Variants in COPS3 observed in about 807,000 individuals in gnomAD.
The protein encoded by COPS3 is COP9 signalosome subunit 3.
COPS3 carries 10 observed loss-of-function variants against 58.2 expected under a neutral mutation model. The observed-to-expected ratio is 0.17, with a 90% CI of 0.11 to 0.29. The LOEUF is 0.29. COPS3 is among the 10% of genes least tolerant of loss of function. COPS3 has a pLI of 1.00. For missense variants in COPS3, 333 were observed against 510.1 expected (o/e 0.65, Z 3.34); for synonymous variants, 187 against 181.7 (o/e 1.03, Z -0.24).
intron 5 of COPS3, among the ~76,000 whole-genome samples, chr17:17,265,492 G>C (rs9747076): frequency 0.032 from 4,792 of 150,998 alleles, 110 homozygotes; most frequent in African/African-American, 0.064. Context: ...TCCACCTCCC[G>C]GGTTCAAGTG....
intron 1 of COPS3, chr17:17,280,439 A>T: frequency 1.6e-6 from 1 of 606,424 alleles, no homozygotes; most frequent in Non-Finnish European, 2.3e-6. Flanking sequence ...GGGCGCCTGT[A>T]ATCTCAGCTA....
At chr17:17,249,082 C>G (rs373209658) in intron 9 of COPS3, 43 bp from the exon 10 acceptor site, 4 of 1,088,600 alleles carry the variant, frequency 3.7e-6, no homozygotes, top group Non-Finnish European at 5.5e-6. Context: ...CAGTTTAGAC[C>G]TGAATGCTAT....
chr17:17,278,049 C>A (rs1479856370), intron 1 of COPS3, among the ~76,000 whole-genome samples: 2 of 152,032 alleles, frequency 1.3e-5, no homozygotes, highest in Non-Finnish European at 1.5e-5. Context: ...TGGGAGAATC[C>A]TTTAACCTGG....
chr17:17,275,094 A>ATTT (rs11372300), intron 2 of COPS3, among the ~76,000 whole-genome samples: 5 of 144,308 alleles, frequency 3.5e-5, no homozygotes, highest in Non-Finnish European at 6.0e-5. Flanking sequence ...GCAACAACTG[A>ATTT]TTTTTTTTTT....
At chr17:17,277,585 T>C (rs996158196) in intron 1 of COPS3, among the ~76,000 whole-genome samples, 3 of 151,526 alleles carry the variant, frequency 2.0e-5, no homozygotes, top group African/African-American at 7.3e-5. Context: ...GCCCATCTTA[T>C]TTTTTAAGTT....
intron 7 of COPS3, chr17:17,260,751 C>A: frequency 5.2e-6 from 1 of 191,360 alleles, no homozygotes. Flanking sequence ...TGCAGTGAGC[C>A]AAGATCGTGC....
At chr17:17,247,619 T>C in intron 10 of COPS3, 59 bp from the exon 11 acceptor site, 1 of 1,521,136 alleles carries the variant, frequency 6.6e-7, no homozygotes, top group Non-Finnish European at 9.1e-7. Flanking sequence ...CTGCATCCTT[T>C]CTAACTTACA....
intron 4 of COPS3, 58 bp from the exon 5 acceptor site, chr17:17,268,035 T>G: frequency 6.3e-7 from 1 of 1,586,242 alleles, no homozygotes; most frequent in Non-Finnish European, 8.6e-7. Context: ...ACATTGGATC[T>G]TATGTTGTCA....
At chr17:17,254,829 A>AAAAG (rs1555617251) in intron 9 of COPS3, 30 bp downstream of exon 9, 1 of 1,414,402 alleles carries the variant, frequency 7.1e-7, no homozygotes, top group African/African-American at 1.5e-5. Context: ...AAAAAAAAAA[A>AAAAG]AAAGAAAAAG....
intron 4 of COPS3, among the ~76,000 whole-genome samples, chr17:17,269,977 G>A (rs901001004): frequency 3.9e-5 from 6 of 152,136 alleles, no homozygotes; most frequent in Non-Finnish European, 8.8e-5. Flanking sequence ...GCAACATGGT[G>A]AAACCCCGTC....
At chr17:17,254,305 CAAA>C (rs138830479) in intron 9 of COPS3, among the ~76,000 whole-genome samples, 3 of 89,956 alleles carry the variant, frequency 3.3e-5, no homozygotes, top group Admixed American at 1.3e-4. Flanking sequence ...GAAGCCATCT[CAAA>C]AAAAAAAAAA....
intron 1 of COPS3, chr17:17,280,735 T>G (rs920216000): frequency 8.0e-7 from 1 of 1,249,084 alleles, no homozygotes; most frequent in Non-Finnish European, 1.0e-6. Context: ...GTCAGCAAGC[T>G]GCGGATCGGC....
intron 8 of COPS3, among the ~76,000 whole-genome samples, chr17:17,258,455 C>G (rs925482049): frequency 6.6e-6 from 1 of 152,158 alleles, no homozygotes; most frequent in South Asian, 2.1e-4. Flanking sequence ...TGTGCCACCA[C>G]GCCCAGCTAA....
chr17:17,261,840 C>T (rs2048107972), intron 7 of COPS3, 126 bp downstream of exon 7: 1 of 733,300 alleles, frequency 1.4e-6, no homozygotes, highest in Admixed American at 2.9e-5. Context: ...CAATAAATGT[C>T]TGCTCACCTG....
chr17:17,271,990 A>C (rs1186398126), intron 2 of COPS3, among the ~76,000 whole-genome samples: 1 of 150,898 alleles, frequency 6.6e-6, no homozygotes, highest in African/African-American at 2.4e-5. Flanking sequence ...CCACTAAATG[A>C]AGCCAAATAG....
chr17:17,271,049 A>G (rs112407713), intron 2 of COPS3, 41 bp from the exon 3 acceptor site: 1 of 1,352,858 alleles, frequency 7.4e-7, no homozygotes, highest in South Asian at 1.2e-5. Flanking sequence ...CTGATAGTTC[A>G]TGGGATAAAA....
chr17:17,274,549 C>A (rs144789448), intron 2 of COPS3, among the ~76,000 whole-genome samples: 2 of 151,474 alleles, frequency 1.3e-5, no homozygotes, highest in African/African-American at 4.9e-5. Flanking sequence ...CTCAGCCTCC[C>A]GAGTAGCTGG....
At chr17:17,264,063 A>G (rs2048169509) in intron 6 of COPS3, among the ~76,000 whole-genome samples, 1 of 152,226 alleles carries the variant, frequency 6.6e-6, no homozygotes, top group African/African-American at 2.4e-5. Context: ...CCTCAACAGG[A>G]CACATCAACC....
intron 8 of COPS3, 69 bp downstream of exon 8, chr17:17,260,232 A>C (rs2048062514): frequency 1.4e-6 from 2 of 1,459,518 alleles, no homozygotes; most frequent in African/African-American, 2.8e-5. Flanking sequence ...AGCTCTGAAA[A>C]GGGAGAGAAA....
Sources: gnomAD v4.1 joint callset for allele counts (sites outside exome capture counted in the v4.1 genomes callset) on GRCh38, gnomAD v4.1.1 for gene constraint, MANE v1.5 for transcripts, NCBI Gene and HGNC (gene_info 2026-07-23, HGNC 2026-07-21) for gene names.